RBMS3: variants seen among roughly 807,000 people sequenced by gnomAD.
The protein encoded by RBMS3 is RNA binding motif single stranded interacting protein 3.
Under a neutral mutation model 66.8 loss-of-function variants are expected in RBMS3, and 27 were observed. The observed-to-expected ratio is 0.40, with a 90% confidence interval of 0.30 to 0.56. The LOEUF is 0.56. Among genes scored for constraint, RBMS3 ranks in the 20% least tolerant of loss-of-function variants. The pLI, the probability that RBMS3 is intolerant of heterozygous loss-of-function variation, is 0.40. For missense variants in RBMS3, 513 were observed against 549.5 expected, an observed-to-expected ratio of 0.93 and a Z score of 0.66; for synonymous variants, 188 against 183.0, an observed-to-expected ratio of 1.03 and a Z score of -0.22.
Position 29,978,595 on chromosome 3 carries a change from G to A in RBMS3, c.1099-9548G>A, listed in dbSNP as rs554590820. ...AAAAGTAAGTTACCAAGTATTTAAG[G>A]TAGCTCGCCTGGAAGAAAATTAGGT... On this transcript the variant is annotated intron_variant, in intron 12 of 14. Coordinates refer to ENST00000383767, the MANE Select transcript of RBMS3 (RefSeq NM_001003793.3). 7.2e-5 allele frequency among the ~76,000 whole-genome samples: 11 copies of A among 151,812 alleles called. No homozygotes were observed. In the East Asian group the frequency reaches 1.9e-3, roughly 27 times the overall value.
rs1559870346 is a variant in RBMS3 at position 29,991,189 on chromosome 3, A to G, written c.1287A>G (p.Ala429=). 4 of 1,614,186 alleles carry G rather than the reference A, an allele frequency of 2.5e-6. No individual in the cohort carries two copies. Among genetic ancestry groups the G allele is most frequent in the Non-Finnish European group, 3.4e-6 (4 of 1,180,032 alleles). The change falls in exon 14 of 15, where the codon GCA becomes GCG. Residue 429 remains alanine (A), a synonymous_variant. Transcript: ENST00000383767. ...AVDTSNEHAP[A]YSYQQSKP Reference sequence around the variant, plus strand: ...ACACATCCAACGAACATGCACCTGCATATTCTTACCAACAGTCTAAGTAAG... The same window carrying G: ...ACACATCCAACGAACATGCACCTGCGTATTCTTACCAACAGTCTAAGTAAG...
chr3:29,573,086 A>C (rs1198287860), intron 3 of RBMS3, among the ~76,000 whole-genome samples: 1 of 151,460 alleles, frequency 6.6e-6, no homozygotes, highest in Non-Finnish European at 1.5e-5. Flanking sequence ...GATCCTTTAA[A>C]TTTCTGTGAC....
intron 1 of RBMS3, among the ~76,000 whole-genome samples, chr3:29,416,746 C>T (rs752911601): frequency 2.0e-5 from 3 of 152,070 alleles, no homozygotes; most frequent in Admixed American, 6.6e-5. Flanking sequence ...TGGGCCAACT[C>T]AAGGTTCTAT....
At chr3:29,862,122 G>A (rs1310049478) in intron 6 of RBMS3, among the ~76,000 whole-genome samples, 2 of 152,174 alleles carry the variant, frequency 1.3e-5, no homozygotes, top group East Asian at 3.9e-4. Flanking sequence ...CATTTAATAT[G>A]CATTCCTCTT....
chr3:29,992,493 G>A (rs577968673), intron 14 of RBMS3, among the ~76,000 whole-genome samples: 16 of 152,230 alleles, frequency 1.1e-4, no homozygotes, highest in Middle Eastern at 3.4e-3. Context: ...GGTCGGGGTG[G>A]GGGGCTGAGG....
intron 1 of RBMS3, among the ~76,000 whole-genome samples, chr3:29,414,723 G>A (rs1184684446): frequency 6.6e-6 from 1 of 151,996 alleles, no homozygotes; most frequent in Non-Finnish European, 1.5e-5. Flanking sequence ...AAATGATAAG[G>A]GTATAAAGAG....
intron 5 of RBMS3, among the ~76,000 whole-genome samples, chr3:29,752,936 T>G (rs1366045135): frequency 6.6e-6 from 1 of 152,206 alleles, no homozygotes; most frequent in East Asian, 1.9e-4. Context: ...TTTATAAACT[T>G]TAAGGCACTG....
At chr3:29,662,341 A>C (rs2050584765) in intron 4 of RBMS3, among the ~76,000 whole-genome samples, 2 of 152,220 alleles carry the variant, frequency 1.3e-5, no homozygotes. Flanking sequence ...AGACACTGAA[A>C]AGGGGGAAAG....
intron 3 of RBMS3, among the ~76,000 whole-genome samples, chr3:29,551,855 A>G (rs542959324): frequency 7.9e-5 from 12 of 152,344 alleles, no homozygotes; most frequent in Non-Finnish European, 1.5e-4. Context: ...TCCTGTGAAC[A>G]CAGGCCCTTT....
intron 8 of RBMS3, among the ~76,000 whole-genome samples, chr3:29,891,702 G>A (rs1275331831): frequency 6.6e-6 from 1 of 151,454 alleles, no homozygotes; most frequent in Non-Finnish European, 1.5e-5. Context: ...GGGGAGACGT[G>A]AAAAAGAATG....
intron 10 of RBMS3, chr3:29,927,029 A>T (rs552010775): frequency 1.2e-4 from 18 of 152,300 alleles, no homozygotes; most frequent in Admixed American, 2.0e-4. Context: ...CATTTAACTG[A>T]GCATAAATAA....
chr3:29,803,207 G>A (rs1300235430), intron 6 of RBMS3, among the ~76,000 whole-genome samples: 1 of 152,016 alleles, frequency 6.6e-6, no homozygotes, highest in Admixed American at 6.6e-5. Context: ...GAAAACTTAA[G>A]TTTTAGTTTT....
chr3:29,794,196 C>T (rs561374854), intron 6 of RBMS3, among the ~76,000 whole-genome samples: 6 of 152,290 alleles, frequency 3.9e-5, no homozygotes, highest in African/African-American at 1.2e-4. Context: ...AAACAACCTA[C>T]TACACCATTG....
chr3:29,869,116 GT>G, intron 7 of RBMS3, 152 bp downstream of exon 7: 1 of 607,920 alleles, frequency 1.6e-6, no homozygotes, highest in Non-Finnish European at 2.8e-6. Flanking sequence ...ATGTTAATGT[GT>G]TCTAGATGAA....
chr3:29,985,293 C>G (rs1047028604), intron 12 of RBMS3, among the ~76,000 whole-genome samples: 1 of 152,170 alleles, frequency 6.6e-6, no homozygotes, highest in Non-Finnish European at 1.5e-5. Flanking sequence ...GAATTTCATG[C>G]CAGTGGATCT....
chr3:29,667,067 C>G (rs1028375958), intron 4 of RBMS3, among the ~76,000 whole-genome samples: 4 of 152,104 alleles, frequency 2.6e-5, no homozygotes, highest in African/African-American at 4.8e-5. Context: ...AATATTTAAC[C>G]AAATTGTTTC....
intron 3 of RBMS3, among the ~76,000 whole-genome samples, chr3:29,567,055 G>A (rs756786621): frequency 6.6e-6 from 1 of 151,992 alleles, no homozygotes; most frequent in Non-Finnish European, 1.5e-5. Flanking sequence ...TTGTATTTGT[G>A]ATAAGCATAC....
At chr3:29,874,332 A>G (rs189959258) in intron 7 of RBMS3, among the ~76,000 whole-genome samples, 8 of 152,336 alleles carry the variant, frequency 5.3e-5, no homozygotes, top group Admixed American at 3.9e-4. Flanking sequence ...GTATATCTAA[A>G]GAATTATTTG....
intron 4 of RBMS3, among the ~76,000 whole-genome samples, chr3:29,627,603 A>G (rs2049116592): frequency 6.6e-6 from 1 of 152,186 alleles, no homozygotes; most frequent in African/African-American, 2.4e-5. Flanking sequence ...ATATCCCAGA[A>G]GGAATTTAAT....
Sources: gnomAD v4.1 joint callset for allele counts (sites outside exome capture counted in the v4.1 genomes callset) on GRCh38, gnomAD v4.1.1 for gene constraint, MANE v1.5 for transcripts, NCBI Gene and HGNC (gene_info 2026-07-23, HGNC 2026-07-21) for gene names.